Variants in GPC5 observed in about 807,000 individuals in gnomAD.
GPC5 encodes the protein glypican 5, also known as glypican-5.
In GPC5, 47 loss-of-function variants were observed where a neutral mutation model predicts 53.9. The observed-to-expected ratio is 0.87, with a 90% CI of 0.69 to 1.11. GPC5 has a LOEUF of 1.11. Among genes scored for constraint, GPC5 ranks in the 50% most tolerant of loss-of-function variants. The probability of loss-of-function intolerance (pLI) is 0.00; values close to 1 mark genes in which losing one functional copy is unlikely to be tolerated. For synonymous variants in GPC5, 286 were observed against 263.3 expected (o/e 1.09, Z -0.84); for missense variants, 748 against 713.1 (o/e 1.05, Z -0.56).
At chr13:91,889,045 C>T (rs2039356835) in intron 5 of GPC5, among the ~76,000 whole-genome samples, 1 of 152,200 alleles carries the variant, frequency 6.6e-6, no homozygotes, top group Non-Finnish European at 1.5e-5. Context: ...ACTGCCTCGC[C>T]TCCCAGGGCT....
chr13:91,803,114 A>G (rs568588798), intron 5 of GPC5, among the ~76,000 whole-genome samples: 4 of 152,282 alleles, frequency 2.6e-5, no homozygotes, highest in African/African-American at 7.2e-5. Context: ...ACTTTTAGTA[A>G]TTATGATGGA....
intron 3 of GPC5, among the ~76,000 whole-genome samples, chr13:91,699,092 G>A (rs2035942514): frequency 6.6e-6 from 1 of 152,180 alleles, no homozygotes; most frequent in South Asian, 2.1e-4. Flanking sequence ...AAACATGGAT[G>A]AAATTATTTT....
intron 2 of GPC5, among the ~76,000 whole-genome samples, chr13:91,549,692 A>C (rs1316527055): frequency 6.6e-6 from 1 of 152,144 alleles, no homozygotes; most frequent in African/African-American, 2.4e-5. Flanking sequence ...GGAAATAAAA[A>C]TTAAAACAGA....
At chr13:92,604,640 T>G (rs1884190956) in intron 7 of GPC5, among the ~76,000 whole-genome samples, 1 of 152,226 alleles carries the variant, frequency 6.6e-6, no homozygotes, top group Admixed American at 6.5e-5. Context: ...AAAAATTGCC[T>G]GAAAATGACG....
At chr13:92,166,991 CACACAT>C (rs1200664818) in intron 7 of GPC5, among the ~76,000 whole-genome samples, 2,250 of 148,808 alleles carry the variant, frequency 0.015, 54 homozygotes, top group African/African-American at 0.052. Flanking sequence ...CACACACACA[CACACAT>C]ATACACACGC....
At chr13:91,796,801 G>T (rs1033455860) in intron 5 of GPC5, among the ~76,000 whole-genome samples, 1 of 152,010 alleles carries the variant, frequency 6.6e-6, no homozygotes, top group African/African-American at 2.4e-5. Flanking sequence ...TTATTGGTCT[G>T]CTTCAGGTTT....
intron 2 of GPC5, among the ~76,000 whole-genome samples, chr13:91,558,022 CA>C (rs1484971592): frequency 6.6e-6 from 1 of 152,068 alleles, no homozygotes; most frequent in Non-Finnish European, 1.5e-5. Flanking sequence ...AGCAAAAGCT[CA>C]AAAGATAAAA....
intron 2 of GPC5, among the ~76,000 whole-genome samples, chr13:91,500,408 T>C (rs926851689): frequency 6.6e-6 from 1 of 152,170 alleles, no homozygotes; most frequent in Non-Finnish European, 1.5e-5. Context: ...GAATCTTCCC[T>C]TTTTCTTGGG....
At chr13:92,359,360 T>G (rs1267128352) in intron 7 of GPC5, among the ~76,000 whole-genome samples, 1 of 151,668 alleles carries the variant, frequency 6.6e-6, no homozygotes, top group Non-Finnish European at 1.5e-5. Context: ...ACTATCAGCA[T>G]TTTGGTCACA....
chr13:91,914,006 C>T (rs1267945395), intron 6 of GPC5, among the ~76,000 whole-genome samples: 5 of 152,222 alleles, frequency 3.3e-5, no homozygotes, highest in South Asian at 4.2e-4. Context: ...TGAGGAAATG[C>T]GAGAGCCTTT....
intron 7 of GPC5, among the ~76,000 whole-genome samples, chr13:92,409,707 C>T (rs1020855084): frequency 6.6e-6 from 1 of 152,104 alleles, no homozygotes; most frequent in African/African-American, 2.4e-5. Context: ...TCACACATTA[C>T]GACCAAGATG....
intron 1 of GPC5, among the ~76,000 whole-genome samples, chr13:91,431,633 T>C (rs893834021): frequency 1.3e-5 from 2 of 152,146 alleles, no homozygotes; most frequent in Admixed American, 6.5e-5. Context: ...AAAAATCCAA[T>C]TGGTTCTGTC....
chr13:92,346,028 T>A (rs2139256950), intron 7 of GPC5, among the ~76,000 whole-genome samples: 1 of 152,270 alleles, frequency 6.6e-6, no homozygotes, highest in South Asian at 2.1e-4. Context: ...CTAATCTCCA[T>A]ACTTTGCCTC....
intron 1 of GPC5, among the ~76,000 whole-genome samples, chr13:91,441,538 C>T (rs975212761): frequency 3.3e-5 from 5 of 152,120 alleles, no homozygotes; most frequent in South Asian, 2.1e-4. Context: ...TTTGTACCAT[C>T]GAATTCATTT....
At chr13:92,013,468 A>G (rs1284317112) in intron 6 of GPC5, among the ~76,000 whole-genome samples, 1 of 152,128 alleles carries the variant, frequency 6.6e-6, no homozygotes, top group Non-Finnish European at 1.5e-5. Flanking sequence ...CTTTATAGGC[A>G]CAGGATGGGG....
At chr13:91,858,167 G>T (rs2038987694) in intron 5 of GPC5, among the ~76,000 whole-genome samples, 1 of 151,390 alleles carries the variant, frequency 6.6e-6, no homozygotes, top group African/African-American at 2.4e-5. Context: ...TTGACTGATT[G>T]CTCCAACTAG....
rs181431866 is a variant in GPC5, at chr13:91,818,391, G to T, written c.1280+61971G>T. Among the ~76,000 whole-genome samples, 643 of 152,170 alleles carry T rather than the reference G, an allele frequency of 4.2e-3. 3 individuals carry two copies. Among genetic ancestry groups the T allele is most frequent in the South Asian group, 0.013 (63 of 4,826 alleles). On this transcript the variant is annotated intron_variant, in intron 5 of 7. Transcript: ENST00000377067. ...TTTTATCTCATTTATTATGAACAAT[G>T]ATAATAATTGTTATATATAACTGAC...
At chr13:92,832,637 C>A (rs1460934352) in intron 7 of GPC5, among the ~76,000 whole-genome samples, 3 of 152,104 alleles carry the variant, frequency 2.0e-5, no homozygotes, top group Admixed American at 6.5e-5. Context: ...CTTGGTACCC[C>A]TTGACTCCCT....
At chr13:92,719,798 CCTT>C (rs1027862940) in intron 7 of GPC5, 4 of 152,130 alleles carry the variant, frequency 2.6e-5, no homozygotes, top group African/African-American at 9.7e-5. Flanking sequence ...AAGTTACACA[CCTT>C]CTGTTCAAAC....
Sources: gnomAD v4.1 joint callset for allele counts (sites outside exome capture counted in the v4.1 genomes callset) on GRCh38, gnomAD v4.1.1 for gene constraint, MANE v1.5 for transcripts, NCBI Gene and HGNC (gene_info 2026-07-23, HGNC 2026-07-21) for gene names.